The following KCNN3 variants were observed in gnomAD, a reference collection of about 807,000 sequenced individuals.
KCNN3 encodes small conductance calcium-activated potassium channel protein 3.
A neutral mutation model predicts 62.9 loss-of-function variants in KCNN3; 16 were observed. The ratio of observed to expected loss-of-function variants is 0.25; its 90% CI spans 0.17 to 0.39. KCNN3 has a LOEUF of 0.39. Ranked by LOEUF, KCNN3 falls within the 10% of genes least tolerant of loss-of-function variation. The pLI is 1.00. For synonymous variants in KCNN3, 370 were observed against 389.2 expected (o/e 0.95, Z 0.58); for missense variants, 599 against 949.4 (o/e 0.63, Z 4.85).
chr1:154,857,565 C>A (rs1652589630), intron 1 of KCNN3, among the ~76,000 whole-genome samples: 1 of 152,270 alleles, frequency 6.6e-6, no homozygotes, highest in South Asian at 2.1e-4. Context: ...GCAGGAGAAG[C>A]TTTTTGGCTT....
chr1:154,774,486 C>A (rs1648709045), intron 2 of KCNN3, among the ~76,000 whole-genome samples: 1 of 152,270 alleles, frequency 6.6e-6, no homozygotes, highest in South Asian at 2.1e-4. Flanking sequence ...AAGTCTCATC[C>A]AGCTCCGATG....
chr1:154,736,156 C>T (rs538386392), intron 3 of KCNN3, among the ~76,000 whole-genome samples: 26 of 152,260 alleles, frequency 1.7e-4, no homozygotes, highest in Admixed American at 1.2e-3. Flanking sequence ...GGGCAAGTGA[C>T]GTGCCCTCTC....
At chr1:154,721,228 C>G (rs1457186322) in intron 5 of KCNN3, among the ~76,000 whole-genome samples, 2 of 151,846 alleles carry the variant, frequency 1.3e-5, no homozygotes, top group Non-Finnish European at 2.9e-5. Flanking sequence ...AAGAAAATAT[C>G]TCCGGTCCAT....
intron 3 of KCNN3, among the ~76,000 whole-genome samples, chr1:154,742,111 G>A (rs1297337979): frequency 1.3e-5 from 2 of 152,168 alleles, no homozygotes; most frequent in Admixed American, 6.5e-5. Context: ...TCTGACCACC[G>A]CTTCAGGGTT....
At chr1:154,859,945 T>C in intron 1 of KCNN3, 1 of 905,136 alleles carries the variant, frequency 1.1e-6, no homozygotes, top group Middle Eastern at 3.4e-4. Context: ...CACACATCAT[T>C]TGCATGCTGT....
intron 2 of KCNN3, among the ~76,000 whole-genome samples, chr1:154,776,704 A>C (rs924001447): frequency 1.3e-5 from 2 of 152,178 alleles, no homozygotes; most frequent in African/African-American, 4.8e-5. Flanking sequence ...CTAACAAAGC[A>C]CAATCCCAAT....
At chr1:154,842,232 A>C (rs1231605557) in intron 1 of KCNN3, among the ~76,000 whole-genome samples, 1 of 152,158 alleles carries the variant, frequency 6.6e-6, no homozygotes, top group African/African-American at 2.4e-5. Context: ...CACAGTGATC[A>C]TGGCGGCCCC....
chr1:154,777,183 C>A (rs1454877868), intron 2 of KCNN3, among the ~76,000 whole-genome samples: 2 of 152,078 alleles, frequency 1.3e-5, no homozygotes, highest in Non-Finnish European at 2.9e-5. Flanking sequence ...ACCTCCTGCT[C>A]TAAGAAGCCA....
intron 1 of KCNN3, 68 bp downstream of exon 1, chr1:154,868,964 C>G: frequency 7.3e-7 from 1 of 1,372,766 alleles, no homozygotes; most frequent in South Asian, 1.2e-5. Flanking sequence ...ATCCCCCTCT[C>G]TCAATCCCTC....
At chr1:154,788,099 G>T (rs1489394581) in intron 2 of KCNN3, among the ~76,000 whole-genome samples, 1 of 152,210 alleles carries the variant, frequency 6.6e-6, no homozygotes, top group African/African-American at 2.4e-5. Context: ...AAGGAAACAG[G>T]GATGGATGGG....
intron 1 of KCNN3, among the ~76,000 whole-genome samples, chr1:154,831,108 C>T (rs1259539701): frequency 6.6e-6 from 1 of 152,150 alleles, no homozygotes; most frequent in Non-Finnish European, 1.5e-5. Flanking sequence ...AGGCACTGTG[C>T]GGGAGGTGGA....
rs139465633 is a variant in KCNN3 at position 154,734,524 on chromosome 1, C to T, written c.1449-1380G>A. ...GCTGCCGTCATCAGGAATCTCCATG[C>T]CCCCACAGGGTCTGTGCCCAGCGAG... On this transcript the variant is annotated intron_variant, in intron 3 of 7. Coordinates refer to ENST00000271915, the MANE Select transcript of KCNN3 (RefSeq NM_002249.6). 4.3e-4 allele frequency among the ~76,000 whole-genome samples: 65 copies of T among 152,318 alleles called. 1 individual carries two copies. Among genetic ancestry groups the T allele is most frequent in the African/African-American group, 1.6e-3 (65 of 41,582 alleles).
chr1:154,753,765 G>C (rs1647502003), intron 3 of KCNN3, among the ~76,000 whole-genome samples: 1 of 152,194 alleles, frequency 6.6e-6, no homozygotes, highest in Admixed American at 6.5e-5. Flanking sequence ...AGCTGTTCAG[G>C]TCTCCTCTTG....
At chr1:154,825,820 G>A (rs1278159236) in intron 1 of KCNN3, among the ~76,000 whole-genome samples, 1 of 151,538 alleles carries the variant, frequency 6.6e-6, no homozygotes, top group Non-Finnish European at 1.5e-5. Flanking sequence ...AGGCCGAGGT[G>A]GGCAGATCAC....
chr1:154,804,410 G>A (rs1702177), intron 2 of KCNN3, among the ~76,000 whole-genome samples: 25,093 of 152,206 alleles, frequency 0.16, 3,216 homozygotes, highest in African/African-American at 0.37. Flanking sequence ...TCACGACCAT[G>A]GTGAATCCCC....
chr1:154,755,433 C>T (rs1319897715), intron 3 of KCNN3, among the ~76,000 whole-genome samples: 3 of 139,308 alleles, frequency 2.2e-5, no homozygotes, highest in Non-Finnish European at 4.7e-5. Flanking sequence ...CATGCTATTG[C>T]ATTCCAGTCT....
At chr1:154,720,128 G>A (rs767268511) in intron 5 of KCNN3, among the ~76,000 whole-genome samples, 16 of 152,194 alleles carry the variant, frequency 1.1e-4, no homozygotes, top group South Asian at 4.1e-4. Context: ...GGAACTGACC[G>A]CCCTAAAGCT....
chr1:154,832,908 T>C (rs1485044820), intron 1 of KCNN3, among the ~76,000 whole-genome samples: 1 of 152,180 alleles, frequency 6.6e-6, no homozygotes, highest in Non-Finnish European at 1.5e-5. Flanking sequence ...GTCAGCTAAT[T>C]ACAGGGAACT....
At chr1:154,814,435 A>T (rs1245697441) in intron 2 of KCNN3, among the ~76,000 whole-genome samples, 1 of 149,010 alleles carries the variant, frequency 6.7e-6, no homozygotes, top group Non-Finnish European at 1.5e-5. Flanking sequence ...CACAACCAAC[A>T]TAAGACACGC....
Sources: allele counts gnomAD v4.1 joint callset (sites outside exome capture counted in the v4.1 genomes callset), GRCh38; gene constraint gnomAD v4.1.1; transcripts MANE v1.5; gene names NCBI Gene and HGNC (gene_info 2026-07-23, HGNC 2026-07-21).